Variants in XPO4 observed in about 807,000 individuals in gnomAD.
XPO4 encodes the protein exportin 4, also known as exportin-4.
In XPO4, 39 loss-of-function variants were observed where a neutral mutation model predicts 143.0. The ratio of observed to expected loss-of-function variants is 0.27; its 90% CI spans 0.21 to 0.36. The LOEUF is 0.36. Ranked by LOEUF, XPO4 falls within the 10% of genes least tolerant of loss-of-function variation. The pLI, the probability that XPO4 is intolerant of heterozygous loss-of-function variation, is 1.00. For missense variants in XPO4, 907 were observed against 1,348.0 expected (o/e 0.67, Z 5.12); for synonymous variants, 439 against 474.0 (o/e 0.93, Z 0.96).
chr13:20,809,353 C>T, intron 10 of XPO4, 128 bp from the exon 11 acceptor site: 1 of 1,159,454 alleles, frequency 8.6e-7, no homozygotes, highest in South Asian at 1.6e-5. Context: ...CACAGCCGAC[C>T]TTTGAGCACA....
intron 22 of XPO4, among the ~76,000 whole-genome samples, chr13:20,784,544 G>A (rs2059176999): frequency 6.6e-6 from 1 of 152,174 alleles, no homozygotes; most frequent in Non-Finnish European, 1.5e-5. Flanking sequence ...TAGGAATATG[G>A]GAAATTTTCT....
chr13:20,826,938 C>T, intron 7 of XPO4, 129 bp downstream of exon 7: 2 of 617,054 alleles, frequency 3.2e-6, no homozygotes, highest in Admixed American at 2.8e-5. Context: ...TCTGTTTAAG[C>T]AGCCATACTG....
chr13:20,848,930 C>G (rs1363232130), intron 4 of XPO4: 1 of 985,268 alleles, frequency 1.0e-6, no homozygotes, highest in Non-Finnish European at 1.2e-6. Context: ...AGTTAATTCA[C>G]TGGCTAACAA....
intron 6 of XPO4, among the ~76,000 whole-genome samples, chr13:20,834,309 T>C (rs2059889963): frequency 6.6e-6 from 1 of 152,188 alleles, no homozygotes; most frequent in African/African-American, 2.4e-5. Flanking sequence ...CAAAAATCAT[T>C]TGTATTTTTC....
chr13:20,838,241 G>A (rs2059938078), intron 6 of XPO4, among the ~76,000 whole-genome samples: 2 of 152,122 alleles, frequency 1.3e-5, no homozygotes, highest in South Asian at 4.1e-4. Context: ...ACATCCTACA[G>A]CCACTGCTCA....
intron 3 of XPO4, among the ~76,000 whole-genome samples, chr13:20,861,297 C>CTTTTT (rs68037393): frequency 5.2e-5 from 7 of 134,958 alleles, no homozygotes; most frequent in East Asian, 2.2e-4. Flanking sequence ...TAGTTTTCCT[C>CTTTTT]TTTTTTTTTT....
chr13:20,824,535 A>G (rs984929947), intron 7 of XPO4, among the ~76,000 whole-genome samples: 1 of 152,254 alleles, frequency 6.6e-6, no homozygotes, highest in African/African-American at 2.4e-5. Context: ...GTGCTGTTCA[A>G]GCTTAATTTA....
At chr13:20,852,903 A>C in intron 4 of XPO4, 1 of 985,416 alleles carries the variant, frequency 1.0e-6, no homozygotes. Flanking sequence ...CCACAGTGGG[A>C]TTACCACTAC....
At chr13:20,865,417 G>A (rs756793621) in intron 2 of XPO4, 10 of 979,630 alleles carry the variant, frequency 1.0e-5, no homozygotes, top group Non-Finnish European at 1.2e-5. Context: ...GATTACAGGT[G>A]TGAGCCACCA....
At chr13:20,883,450 G>GA (rs2060432251) in intron 1 of XPO4, among the ~76,000 whole-genome samples, 1 of 152,188 alleles carries the variant, frequency 6.6e-6, no homozygotes, top group East Asian at 1.9e-4. Context: ...AGCAGTCAAA[G>GA]AAAAAAGATA....
intron 9 of XPO4, among the ~76,000 whole-genome samples, chr13:20,820,675 T>C (rs2059707608): frequency 6.6e-6 from 1 of 152,242 alleles, no homozygotes; most frequent in South Asian, 2.1e-4. Context: ...CTTCTATTTT[T>C]CTGTTACTAC....
chr13:20,869,132 G>A (rs538734138), intron 1 of XPO4, among the ~76,000 whole-genome samples: 132 of 152,190 alleles, frequency 8.7e-4, no homozygotes, highest in African/African-American at 3.0e-3. Context: ...GTTTCCAAAA[G>A]CAATCCTTTA....
chr13:20,855,476 A>AAG, intron 4 of XPO4, 151 bp downstream of exon 4: 2 of 811,210 alleles, frequency 2.5e-6, no homozygotes, highest in Non-Finnish European at 3.4e-6. Context: ...AAAAAAAAAA[A>AAG]GACTAGAAGA....
At chr13:20,788,212 C>G (rs1010972148) in intron 20 of XPO4, among the ~76,000 whole-genome samples, 4 of 152,088 alleles carry the variant, frequency 2.6e-5, no homozygotes, top group Admixed American at 1.3e-4. Flanking sequence ...CCTGCCACCA[C>G]GCCCAGCTAA....
chr13:20,818,566 G>A (rs2059679693), intron 9 of XPO4, among the ~76,000 whole-genome samples: 1 of 152,106 alleles, frequency 6.6e-6, no homozygotes, highest in African/African-American at 2.4e-5. Flanking sequence ...TGTGGAACCT[G>A]TTTTCCTACT....
At chr13:20,858,031 C>T (rs1000165020) in intron 3 of XPO4, 18 of 952,702 alleles carry the variant, frequency 1.9e-5, no homozygotes, top group Non-Finnish European at 2.2e-5. Flanking sequence ...TAACTTGAAT[C>T]TAATCCACAC....
At chr13:20,801,494 C>T (rs1188497531) in intron 13 of XPO4, among the ~76,000 whole-genome samples, 1 of 152,116 alleles carries the variant, frequency 6.6e-6, no homozygotes, top group African/African-American at 2.4e-5. Flanking sequence ...CCAATATTTC[C>T]TAGTAAACTT....
At chr13:20,896,332 G>C (rs956343393) in intron 1 of XPO4, among the ~76,000 whole-genome samples, 1 of 152,310 alleles carries the variant, frequency 6.6e-6, no homozygotes, top group Non-Finnish European at 1.5e-5. Flanking sequence ...AGATGAATGA[G>C]GGAGAAATTG....
At chr13:20,888,686 A>G (rs996402718) in intron 1 of XPO4, among the ~76,000 whole-genome samples, 1 of 152,016 alleles carries the variant, frequency 6.6e-6, no homozygotes, top group African/African-American at 2.4e-5. Context: ...GTTTCATTGA[A>G]TACTGTTGAG....
Sources: allele counts gnomAD v4.1 joint callset (sites outside exome capture counted in the v4.1 genomes callset), GRCh38; gene constraint gnomAD v4.1.1; transcripts MANE v1.5; gene names NCBI Gene and HGNC (gene_info 2026-07-23, HGNC 2026-07-21).